TNKS: variants seen among roughly 807,000 people sequenced by gnomAD.
TNKS encodes tankyrase.
TNKS carries 72 observed loss-of-function variants against 135.8 expected under a neutral mutation model. That is an observed-to-expected ratio of 0.53 (90% CI 0.44 to 0.64). The LOEUF (loss-of-function observed/expected upper bound fraction) is 0.64. TNKS is among the 30% of genes least tolerant of loss of function. The pLI is 0.00. For missense variants in TNKS, 1,769 were observed against 1,674.0 expected, an observed-to-expected ratio of 1.06 and a Z score of -0.99; for synonymous variants, 849 against 649.3, an observed-to-expected ratio of 1.31 and a Z score of -4.68.
At chr8:9,680,033 GAGA>G (rs1333086418) in intron 4 of TNKS, 46 bp downstream of exon 4, 1 of 1,412,062 alleles carries the variant, frequency 7.1e-7, no homozygotes, top group Non-Finnish European at 1.0e-6. Context: ...CATTAAGGAA[GAGA>G]AGGAGGAGGG....
intron 3 of TNKS, among the ~76,000 whole-genome samples, chr8:9,672,675 A>ACAC (rs1203110626): frequency 8.2e-6 from 1 of 121,644 alleles, no homozygotes; most frequent in Non-Finnish European, 1.8e-5. Flanking sequence ...AAAAAAAAAA[A>ACAC]ACACATACAC....
intron 1 of TNKS, among the ~76,000 whole-genome samples, chr8:9,579,797 T>C (rs1421322093): frequency 1.3e-5 from 2 of 152,188 alleles, no homozygotes; most frequent in Non-Finnish European, 1.5e-5. Context: ...CTTGTTTCTA[T>C]GAATGTAGTG....
intron 2 of TNKS, among the ~76,000 whole-genome samples, chr8:9,603,583 G>A (rs7464226): frequency 0.29 from 43,763 of 151,966 alleles, 6,614 homozygotes; most frequent in East Asian, 0.38. Flanking sequence ...CCTGTTCATT[G>A]TACTAGAATA....
At chr8:9,696,224 A>C (rs1159498706) in intron 5 of TNKS, among the ~76,000 whole-genome samples, 1 of 152,168 alleles carries the variant, frequency 6.6e-6, no homozygotes, top group East Asian at 1.9e-4. Context: ...CTTTTGGAGT[A>C]CTCCAATGTC....
chr8:9,768,902 G>T (rs937887021), intron 25 of TNKS, among the ~76,000 whole-genome samples: 2 of 152,138 alleles, frequency 1.3e-5, no homozygotes, highest in African/African-American at 4.8e-5. Context: ...AGTTGTCCTG[G>T]ATCCAGCACA....
At chr8:9,757,297 C>T (rs1407105863) in intron 20 of TNKS, among the ~76,000 whole-genome samples, 2 of 152,074 alleles carry the variant, frequency 1.3e-5, no homozygotes, top group South Asian at 2.1e-4. Flanking sequence ...ACTTCTAAGC[C>T]TCTTAGTTTG....
intron 12 of TNKS, chr8:9,722,404 C>T (rs373683216): frequency 6.6e-6 from 1 of 152,204 alleles, no homozygotes; most frequent in East Asian, 1.9e-4. Context: ...CTAGGTCATT[C>T]GTAGATAGTG....
At chr8:9,626,905 G>C (rs913160907) in intron 3 of TNKS, among the ~76,000 whole-genome samples, 5 of 152,124 alleles carry the variant, frequency 3.3e-5, no homozygotes, top group African/African-American at 7.2e-5. Context: ...TAGAATCTTC[G>C]AAGTCATGTC....
intron 2 of TNKS, among the ~76,000 whole-genome samples, chr8:9,581,371 C>T (rs924009375): frequency 1.3e-5 from 2 of 152,080 alleles, no homozygotes; most frequent in African/African-American, 4.8e-5. Context: ...CTAACATGAC[C>T]TTTGGATATC....
chr8:9,743,808 C>T (rs1377629875), intron 17 of TNKS, among the ~76,000 whole-genome samples: 1 of 152,136 alleles, frequency 6.6e-6, no homozygotes, highest in Non-Finnish European at 1.5e-5. Flanking sequence ...TGTACTAAGC[C>T]AGTCAGAATA....
rs143138820 is a variant in TNKS, at chr8:9,765,714, A to G, written c.3470A>G (p.Lys1157Arg). Residue 1157 changes from lysine (K) to arginine (R), a missense_variant, in exon 24 of 27, where the codon AAG becomes AGG. Lys to Arg is a conservative substitution (Grantham distance 26, BLOSUM62 2). Transcript: ENST00000310430. Reference sequence around the variant, plus strand: ...AAGATTCAAAAAGTTGTCAACAAGAAGTTGAGGGAGCGGTTCTGCCACCGA... The same window carrying G: ...AAGATTCAAAAAGTTGTCAACAAGAGGTTGAGGGAGCGGTTCTGCCACCGA... ...VIRIQKVVNK[K>R]LRERFCHRQK... 1,174 of 1,613,880 alleles carry G rather than the reference A, an allele frequency of 7.3e-4. 1 individual carries two copies. Among genetic ancestry groups the G allele is most frequent in the Non-Finnish European group, 8.6e-4 (1,012 of 1,179,864 alleles).
chr8:9,780,619 ATAAAT>A lies in TNKS; in HGVS notation c.*3890_*3894del, dbSNP rs1018539638. The A allele has an allele frequency of 1.3e-5, 2 of 152,248 alleles. No homozygotes were observed. The highest frequency in any genetic ancestry group is 2.4e-5 in the African/African-American group (1 of 41,480). The allele number at this position is 152,248 out of a possible 1,614,324, so 9.4% of individuals were successfully genotyped here. ...CAGCAACTTGTGCACTCTGCCATTA[ATAAAT>A]TAAATTTTTCCCCTCTAGAAAGCCT... On this transcript the variant is annotated 3_prime_UTR_variant, in exon 27 of 27. Transcript: ENST00000310430.
At chr8:9,771,172 G>C (rs1370600948) in intron 26 of TNKS, among the ~76,000 whole-genome samples, 1 of 149,716 alleles carries the variant, frequency 6.7e-6, no homozygotes, top group Non-Finnish European at 1.5e-5. Flanking sequence ...AAGGAAAGGA[G>C]GGAGAGAAGA....
chr8:9,604,353 A>G (rs943974323), intron 2 of TNKS, among the ~76,000 whole-genome samples: 1 of 152,120 alleles, frequency 6.6e-6, no homozygotes, highest in Non-Finnish European at 1.5e-5. Context: ...ACATAATTTA[A>G]TTGATATCAC....
intron 5 of TNKS, among the ~76,000 whole-genome samples, chr8:9,702,460 G>A (rs1366392803): frequency 2.6e-5 from 4 of 152,120 alleles, no homozygotes; most frequent in Non-Finnish European, 5.9e-5. Context: ...AAAGATAAGG[G>A]TAACAGATTT....
intron 11 of TNKS, among the ~76,000 whole-genome samples, chr8:9,714,813 A>C (rs1280618349): frequency 6.6e-6 from 1 of 152,214 alleles, no homozygotes; most frequent in East Asian, 1.9e-4. Context: ...CTACGCCTTG[A>C]TAATGATTTT....
chr8:9,707,080 C>A, intron 8 of TNKS, 83 bp downstream of exon 8: 1 of 1,182,688 alleles, frequency 8.5e-7, no homozygotes, highest in Admixed American at 3.2e-5. Context: ...TAAATAATAA[C>A]CTTCCATTCT....
chr8:9,754,528 A>AT (rs999720091), intron 20 of TNKS, among the ~76,000 whole-genome samples: 1 of 151,660 alleles, frequency 6.6e-6, no homozygotes, highest in Admixed American at 6.6e-5. Context: ...TTTTAGCTAC[A>AT]TTTTTTCATT....
At chr8:9,582,089 A>G (rs909498012) in intron 2 of TNKS, among the ~76,000 whole-genome samples, 31 of 152,198 alleles carry the variant, frequency 2.0e-4, no homozygotes, top group Admixed American at 6.5e-5. Flanking sequence ...CTATTAAAGT[A>G]TGTATCATAG....
Sources: allele counts gnomAD v4.1 joint callset (sites outside exome capture counted in the v4.1 genomes callset), GRCh38; gene constraint gnomAD v4.1.1; transcripts MANE v1.5; gene names NCBI Gene and HGNC (gene_info 2026-07-23, HGNC 2026-07-21).